The following ABCG1 variants were observed in gnomAD, a reference collection of about 807,000 sequenced individuals.
ABCG1 encodes ATP binding cassette subfamily G member 1.
Under a neutral mutation model 69.2 loss-of-function variants are expected in ABCG1, and 29 were observed. The ratio of observed to expected loss-of-function variants is 0.42; its 90% CI spans 0.31 to 0.57. The LOEUF (loss-of-function observed/expected upper bound fraction) is 0.57, where lower values mean the gene tolerates loss of function less well. ABCG1 is among the 20% of genes least tolerant of loss of function. The pLI is 0.15. For synonymous variants in ABCG1, 370 were observed against 374.8 expected (o/e 0.99, Z 0.15); for missense variants, 718 against 898.1 (o/e 0.80, Z 2.56).
At chr21:42,279,039 G>T (rs1480800935) in intron 5 of ABCG1, among the ~76,000 whole-genome samples, 3 of 152,074 alleles carry the variant, frequency 2.0e-5, no homozygotes, top group Non-Finnish European at 4.4e-5. Context: ...CCCTGGATCC[G>T]CCTTTCAGGG....
chr21:42,232,588 C>G (rs543766548), intron 2 of ABCG1, among the ~76,000 whole-genome samples: 2 of 152,348 alleles, frequency 1.3e-5, no homozygotes, highest in Admixed American at 1.3e-4. Context: ...GGACTGTGCT[C>G]TGCTCCGTGG....
chr21:42,242,761 T>C (rs912783248), intron 2 of ABCG1, among the ~76,000 whole-genome samples: 5 of 152,092 alleles, frequency 3.3e-5, no homozygotes, highest in African/African-American at 1.2e-4. Flanking sequence ...GTGAACCATA[T>C]CGTTGTTTGT....
At chr21:42,290,891 T>C (rs576910582) in intron 11 of ABCG1, among the ~76,000 whole-genome samples, 3 of 152,300 alleles carry the variant, frequency 2.0e-5, no homozygotes, top group South Asian at 4.2e-4. Flanking sequence ...ATCCTGATTC[T>C]CCACTCAATG....
chr21:42,263,456 C>A (rs1267152583), intron 2 of ABCG1, among the ~76,000 whole-genome samples: 1 of 152,160 alleles, frequency 6.6e-6, no homozygotes, highest in African/African-American at 2.4e-5. Context: ...TGGGCCATGT[C>A]CCAGTTCTGA....
upstream of ABCG1, among the ~76,000 whole-genome samples, chr21:42,216,961 C>T (rs936377580): frequency 2.0e-5 from 3 of 152,194 alleles, no homozygotes; most frequent in Non-Finnish European, 4.4e-5. Context: ...AGTGAGGACC[C>T]TTTCACTTAT....
intron 10 of ABCG1, among the ~76,000 whole-genome samples, chr21:42,289,350 GC>G (rs2069009593): frequency 6.6e-6 from 1 of 152,164 alleles, no homozygotes; most frequent in Non-Finnish European, 1.5e-5. Context: ...CCAAATGACA[GC>G]CCTTAAAACT....
At chr21:42,293,287 G>GTACACACCACACACAC (rs773499276) in intron 13 of ABCG1, among the ~76,000 whole-genome samples, 4 of 84,184 alleles carry the variant, frequency 4.8e-5, no homozygotes, top group Non-Finnish European at 9.0e-5. Flanking sequence ...ACACTACACA[G>GTACACACCACACACAC]TACACACCAC....
intron 13 of ABCG1, among the ~76,000 whole-genome samples, chr21:42,293,258 CAT>C (rs796895950): frequency 2.5e-5 from 3 of 120,904 alleles, no homozygotes; most frequent in Admixed American, 7.5e-5. Context: ...CACTACACAC[CAT>C]ACACTACACA....
At chr21:42,200,596 C>CTTT (rs200131320) in intron 1 of ABCG1, among the ~76,000 whole-genome samples, 3 of 138,686 alleles carry the variant, frequency 2.2e-5, no homozygotes, top group Non-Finnish European at 4.6e-5. Flanking sequence ...TTATGTTGCA[C>CTTT]TTTTTTTTTT....
intron 2 of ABCG1, among the ~76,000 whole-genome samples, chr21:42,208,652 T>C (rs1019950003): frequency 6.6e-6 from 1 of 152,202 alleles, no homozygotes; most frequent in Admixed American, 6.5e-5. Flanking sequence ...TTCGGGGCTT[T>C]ATGGCCCTAA....
Position 42,290,169 on chromosome 21 carries a change from C to T in ABCG1, c.1344C>T (p.Phe448=), listed in dbSNP as rs138421137. The T allele has an allele frequency of 1.2e-3, 1,970 of 1,614,198 alleles. 4 individuals carry two copies. Among genetic ancestry groups the T allele is most frequent in the Non-Finnish European group, 1.2e-3 (1,441 of 1,180,036 alleles). ...TGAGCAACTCCGGCTTCCTCTTCTTCTCCATGCTGTTCCTCATGTTCGCGG... is the reference window on the plus strand; with the variant it reads ...TGAGCAACTCCGGCTTCCTCTTCTTTTCCATGCTGTTCCTCATGTTCGCGG... The part of the protein sequence containing the change: ...KVLSNSGFLF[F]SMLFLMFAAL... The change falls in exon 11 of 15, where the codon TTC becomes TTT. Residue 448 remains phenylalanine (F), a synonymous_variant. Transcript: ENST00000398449.
chr21:42,282,313 G>A lies in ABCG1; in HGVS notation c.628G>A (p.Ala210Thr), dbSNP rs148193127. The A allele has an allele frequency of 3.0e-5, 49 of 1,612,924 alleles. No individual in the cohort carries two copies. The highest frequency in any genetic ancestry group is 3.6e-5 in the Non-Finnish European group (43 of 1,180,020). ...GACAGCGCTGGGCTTGCTGTCTTGC[G>A]CCAACACGCGGACCGGGAGCCTGTC... ...ILTALGLLSC[A>T]NTRTGSLSGG... is the part of the protein sequence containing the mutation. The change falls in exon 6 of 15, where the codon GCC becomes ACC. Residue 210 changes from alanine to threonine, a missense_variant. Around this residue, in one of 2 missense-constraint regions of ABCG1, gnomAD observed 514 missense variants for 574.3 expected, o/e 0.90. Coordinates refer to ENST00000398449, the MANE Select transcript of ABCG1 (RefSeq NM_016818.3).
chr21:42,219,331 G>A lies in ABCG1; in HGVS notation c.42+27G>A, dbSNP rs778150104. The A allele has an allele frequency of 1.6e-5, 25 of 1,594,852 alleles. No homozygotes were observed. Among genetic ancestry groups the A allele is most frequent in the Non-Finnish European group, 1.9e-5 (22 of 1,174,018 alleles). On this transcript the variant is annotated intron_variant, in intron 1 of 14. Transcript: ENST00000398449. The surrounding 1 kb of genome is among the most constrained non-coding windows in gnomAD (Gnocchi z 5.3). ...TGAGTGAGCGCATCCTTCGTCCGCCGGGAACGGTTTTATTTTCAAGGAGAG... is the reference window on the plus strand; with the variant it reads ...TGAGTGAGCGCATCCTTCGTCCGCCAGGAACGGTTTTATTTTCAAGGAGAG...
At chr21:42,238,311 A>G (rs2068005023) in intron 2 of ABCG1, among the ~76,000 whole-genome samples, 1 of 152,118 alleles carries the variant, frequency 6.6e-6, no homozygotes, top group African/African-American at 2.4e-5. Flanking sequence ...CTTACACAAA[A>G]TGGGGATTTC....
At chr21:42,223,809 A>T (rs1162998584) in intron 1 of ABCG1, among the ~76,000 whole-genome samples, 1 of 152,232 alleles carries the variant, frequency 6.6e-6, no homozygotes, top group Admixed American at 6.5e-5. Context: ...ATGATAATGT[A>T]GATGGGTGGT....
chr21:42,250,450 C>A (rs1350659870), intron 2 of ABCG1, among the ~76,000 whole-genome samples: 1 of 152,158 alleles, frequency 6.6e-6, no homozygotes, highest in Non-Finnish European at 1.5e-5. Context: ...GGACTCCAGG[C>A]TCCCAGAGAT....
chr21:42,216,362 C>T (rs186507548), upstream of ABCG1, among the ~76,000 whole-genome samples: 13 of 150,446 alleles, frequency 8.6e-5, no homozygotes, highest in Middle Eastern at 3.4e-3. Context: ...CTGGTCCTGT[C>T]GAGAGCTCCC....
chr21:42,295,692 A>G (rs2069195177), intron 14 of ABCG1, among the ~76,000 whole-genome samples: 1 of 152,260 alleles, frequency 6.6e-6, no homozygotes, highest in Admixed American at 6.5e-5. Flanking sequence ...CTCCAACACT[A>G]TGAAATCAGA....
intron 2 of ABCG1, among the ~76,000 whole-genome samples, chr21:42,228,942 G>A (rs573327176): frequency 6.6e-6 from 1 of 152,372 alleles, no homozygotes; most frequent in Non-Finnish European, 1.5e-5. Flanking sequence ...TGCGGATCTT[G>A]TGTTGGGGCT....
Sources: gnomAD v4.1 joint callset for allele counts (sites outside exome capture counted in the v4.1 genomes callset) on GRCh38, gnomAD v4.1.1 for gene constraint, gnomAD v4.1.1 regional missense constraint, Gnocchi (gnomAD v3.1) non-coding constraint, MANE v1.5 for transcripts, NCBI Gene and HGNC (gene_info 2026-07-23, HGNC 2026-07-21) for gene names.